Variants in STAG1 observed in about 807,000 individuals in gnomAD.
The protein encoded by STAG1 is STAG1 cohesin complex component.
STAG1 carries 26 observed loss-of-function variants against 170.9 expected under a neutral mutation model. That is an observed-to-expected ratio of 0.15 (90% CI 0.11 to 0.21). The LOEUF is 0.21. Ranked by LOEUF, STAG1 falls within the 10% of genes least tolerant of loss-of-function variation. The pLI, the probability that STAG1 is intolerant of heterozygous loss-of-function variation, is 1.00. For synonymous variants in STAG1, 514 were observed against 497.7 expected, an observed-to-expected ratio of 1.03 and a Z score of -0.44; for missense variants, 964 against 1,509.5, an observed-to-expected ratio of 0.64 and a Z score of 5.99.
intron 1 of STAG1, among the ~76,000 whole-genome samples, chr3:136,700,432 T>TA (rs200444402): frequency 2.0e-5 from 3 of 151,308 alleles, no homozygotes; most frequent in Non-Finnish European, 2.9e-5. Flanking sequence ...TTTTTTTTTT[T>TA]ATTTGAGACA....
At chr3:136,450,299 C>T (rs1328961302) in intron 14 of STAG1, among the ~76,000 whole-genome samples, 2 of 152,158 alleles carry the variant, frequency 1.3e-5, no homozygotes, top group East Asian at 1.9e-4. Context: ...TCTCAGGCCC[C>T]ATTCTAGAGC....
chr3:136,631,032 A>G, intron 1 of STAG1, 51 bp from the exon 2 acceptor site: 1 of 850,646 alleles, frequency 1.2e-6, no homozygotes. Flanking sequence ...GGATGACAAA[A>G]TTCATAAACT....
chr3:136,383,899 G>C (rs1313696636), intron 22 of STAG1, among the ~76,000 whole-genome samples: 1 of 148,040 alleles, frequency 6.8e-6, no homozygotes. Flanking sequence ...AGCTTGCAGT[G>C]AGCCGAGATC....
At chr3:136,502,202 C>T (rs1933519744) in intron 8 of STAG1, among the ~76,000 whole-genome samples, 1 of 152,004 alleles carries the variant, frequency 6.6e-6, no homozygotes, top group Admixed American at 6.5e-5. Flanking sequence ...AGTATAAAAT[C>T]ATTTTTAACA....
intron 4 of STAG1, among the ~76,000 whole-genome samples, chr3:136,601,643 T>C (rs1325771732): frequency 6.6e-6 from 1 of 151,996 alleles, no homozygotes; most frequent in Admixed American, 6.6e-5. Flanking sequence ...GGTGAAAGCC[T>C]ATCTCTACTA....
chr3:136,555,633 G>A (rs766655075), intron 5 of STAG1, among the ~76,000 whole-genome samples: 4 of 151,988 alleles, frequency 2.6e-5, no homozygotes, highest in Admixed American at 6.6e-5. Flanking sequence ...GCAGTGAGCC[G>A]TGTTTGTGGC....
At chr3:136,534,618 C>T (rs1457947841) in intron 6 of STAG1, among the ~76,000 whole-genome samples, 1 of 151,710 alleles carries the variant, frequency 6.6e-6, no homozygotes, top group African/African-American at 2.4e-5. Context: ...CAAAAGAAAA[C>T]TTAAATGGCC....
intron 3 of STAG1, among the ~76,000 whole-genome samples, chr3:136,614,404 G>C (rs1472449364): frequency 6.6e-6 from 1 of 152,064 alleles, no homozygotes; most frequent in African/African-American, 2.4e-5. Flanking sequence ...CATTACTGCA[G>C]GTAATTCAAG....
Position 136,343,872 on chromosome 3 carries a change from G to A in STAG1, c.3406C>T (p.Pro1136Ser), listed in dbSNP as rs749019866. Reference sequence around the variant, plus strand: ...GGTTCAGAACCATGTTCAGACTCAGGTTCTTGAATCTGGTCTCCCATGGGC... The same window carrying A: ...GGTTCAGAACCATGTTCAGACTCAGATTCTTGAATCTGGTCTCCCATGGGC... ...SRPMGDQIQE[P>S]ESEHGSEPDF... Residue 1136 changes from proline (P) to serine (S), a missense_variant, in exon 30 of 34, where the codon CCT (proline) becomes TCT (serine). Coordinates refer to ENST00000383202, the MANE Select transcript of STAG1 (RefSeq NM_005862.3). 1.3e-6 allele frequency: 2 copies of A among 1,598,466 alleles called. No homozygotes were observed. Among genetic ancestry groups the A allele is most frequent in the Admixed American group, 1.7e-5 (1 of 57,468 alleles).
intron 4 of STAG1, among the ~76,000 whole-genome samples, chr3:136,599,963 AAAGAC>A (rs1204999813): frequency 6.6e-6 from 1 of 152,192 alleles, no homozygotes; most frequent in Non-Finnish European, 1.5e-5. Context: ...AGATCATATA[AAAGAC>A]AAGAGTGGGA....
chr3:136,726,475 G>A (rs752104084), intron 1 of STAG1, among the ~76,000 whole-genome samples: 6 of 152,232 alleles, frequency 3.9e-5, no homozygotes, highest in Non-Finnish European at 7.3e-5. Flanking sequence ...CTGGGCTGGA[G>A]TGCAGCAGCA....
At chr3:136,654,525 G>T (rs1217935441) in intron 1 of STAG1, among the ~76,000 whole-genome samples, 1 of 152,126 alleles carries the variant, frequency 6.6e-6, no homozygotes, top group Non-Finnish European at 1.5e-5. Context: ...TTTGGATTGG[G>T]AGACAATCTT....
At chr3:136,383,931 G>T (rs1256393579) in intron 22 of STAG1, among the ~76,000 whole-genome samples, 7 of 148,246 alleles carry the variant, frequency 4.7e-5, no homozygotes, top group African/African-American at 1.7e-4. Context: ...CTCCAGCCTG[G>T]GCAACAGTGC....
chr3:136,463,709 C>T (rs971716352), intron 13 of STAG1, among the ~76,000 whole-genome samples: 2 of 130,330 alleles, frequency 1.5e-5, no homozygotes, highest in Admixed American at 7.5e-5. Flanking sequence ...AAGACCCCAT[C>T]TCTCTAAAAA....
chr3:136,355,804 TAAAC>T (rs527307012), intron 28 of STAG1, among the ~76,000 whole-genome samples: 2 of 152,004 alleles, frequency 1.3e-5, no homozygotes, highest in Non-Finnish European at 2.9e-5. Flanking sequence ...ACATAAAAAT[TAAAC>T]AAAATACTCC....
chr3:136,683,859 A>G (rs1462381080), intron 1 of STAG1, among the ~76,000 whole-genome samples: 2 of 152,222 alleles, frequency 1.3e-5, no homozygotes, highest in African/African-American at 4.8e-5. Flanking sequence ...GTTAATATAC[A>G]AAAGCCAATC....
Position 136,337,381 on chromosome 3 carries a change from T to C in STAG1, c.*873A>G, listed in dbSNP as rs548295619. On this transcript the variant is annotated 3_prime_UTR_variant, in exon 34 of 34. Transcript: ENST00000383202. ...GAAATAAGTGGTAAAAACAGCAAAC[T>C]GATAACTTGAGAATCATTTTCGTTT... is the stretch of plus-strand genomic sequence containing the variant. 1 of 152,706 alleles carries C rather than the reference T, an allele frequency of 6.5e-6. No homozygotes were observed. The highest frequency in any genetic ancestry group is 2.4e-5 in the African/African-American group (1 of 41,572). The allele number at this position is 152,706 out of a possible 1,614,324, so 9.5% of individuals were successfully genotyped here. A position where few individuals can be genotyped will look rare whatever the true frequency, so the allele number is the denominator to read the frequency against.
At chr3:136,610,161 C>G (rs2107815023) in intron 3 of STAG1, among the ~76,000 whole-genome samples, 1 of 152,158 alleles carries the variant, frequency 6.6e-6, no homozygotes, top group East Asian at 1.9e-4. Flanking sequence ...CTCAGCCTCC[C>G]AAGTAGCTGG....
intron 5 of STAG1, among the ~76,000 whole-genome samples, chr3:136,542,887 C>CA (rs1020027663): frequency 6.6e-6 from 1 of 151,914 alleles, no homozygotes; most frequent in Non-Finnish European, 1.5e-5. Flanking sequence ...TAGCAACTTG[C>CA]AAAAAAAGTT....
Sources: allele counts gnomAD v4.1 joint callset (sites outside exome capture counted in the v4.1 genomes callset), GRCh38; gene constraint gnomAD v4.1.1; transcripts MANE v1.5; gene names NCBI Gene and HGNC (gene_info 2026-07-23, HGNC 2026-07-21).